The following ZBTB21 variants were observed in gnomAD, a reference collection of about 807,000 sequenced individuals.
The protein encoded by ZBTB21 is zinc finger and BTB domain-containing protein 21.
In ZBTB21, 10 loss-of-function variants were observed where a neutral mutation model predicts 39.8. That is an observed-to-expected ratio of 0.25 (90% CI 0.16 to 0.43). The LOEUF is 0.43. Among genes scored for constraint, ZBTB21 ranks in the 20% least tolerant of loss-of-function variants. The pLI is 1.00. For missense variants in ZBTB21, 1,221 were observed against 1,296.3 expected, an observed-to-expected ratio of 0.94 and a Z score of 0.89; for synonymous variants, 551 against 498.8, an observed-to-expected ratio of 1.10 and a Z score of -1.40.
At position 41,987,256 on chromosome 21, in the gene ZBTB21, G is replaced by A. The variant is rs2146260594; in HGVS notation, c.*3639C>T. The A allele has an allele frequency of 6.6e-6, 1 of 152,148 alleles. No individual in the cohort carries two copies. Among genetic ancestry groups the A allele is most frequent in the East Asian group, 1.9e-4 (1 of 5,186 alleles). The allele number at this position is 152,148 out of a possible 1,614,324, so 9.4% of individuals were successfully genotyped here. On this transcript the variant is annotated 3_prime_UTR_variant, in exon 3 of 3. Transcript: ENST00000310826. ...GTTCCCAAAAGACTGTCTCTAAAAG[G>A]AATTTTTAAAAACACCTGACATTGT...
rs2065946230 is a variant in ZBTB21, at chr21:42,010,277, C to T, written c.-104G>A. On this transcript the variant is annotated 5_prime_UTR_variant, in exon 1 of 3. Transcript: ENST00000310826. ...CGGTCTTCAGTCTCGAGGCAGACGC[C>T]GGGCCCCTTTCCGCTCACACTCGGC... 3 of 398,486 alleles carry T rather than the reference C, an allele frequency of 7.5e-6. No individual in the cohort carries two copies. The highest frequency in any genetic ancestry group is 6.3e-4 in the Middle Eastern group (1 of 1,586). The allele number at this position is 398,486 out of a possible 1,614,324, so 24.7% of individuals were successfully genotyped here.
At chr21:42,000,534 T>C (rs1364696129) in intron 2 of ZBTB21, among the ~76,000 whole-genome samples, 2 of 152,182 alleles carry the variant, frequency 1.3e-5, no homozygotes, top group Non-Finnish European at 2.9e-5. Context: ...GTTTTCTACA[T>C]CCCTGGACCT....
Position 41,992,449 on chromosome 21 carries a change from T to C in ZBTB21, c.1647A>G (p.Lys549=). 1.2e-6 allele frequency: 2 copies of C among 1,613,994 alleles called. No homozygotes were observed. The highest frequency in any genetic ancestry group is 1.7e-6 in the Non-Finnish European group (2 of 1,180,002). Residue 549 remains lysine, a synonymous_variant, in exon 3 of 3, where the codon AAA becomes AAG. Transcript: ENST00000310826. The surrounding 1 kb of genome is among the most constrained non-coding windows in gnomAD (Gnocchi z 4.1). ...GTRPNKKFKC[K]HCLKIFRSTA... is the part of the protein sequence containing the mutation. Reference sequence around the variant, plus strand: ...TTGATCTAAAGATCTTAAGGCAATGTTTGCATTTAAATTTTTTGTTTGGTC... The same window carrying C: ...TTGATCTAAAGATCTTAAGGCAATGCTTGCATTTAAATTTTTTGTTTGGTC...
chr21:41,994,162 GCTC>G, intron 2 of ZBTB21, 54 bp from the exon 3 acceptor site: 3 of 1,470,922 alleles, frequency 2.0e-6, no homozygotes, highest in Non-Finnish European at 2.7e-6. Context: ...AGTTCCCCTG[GCTC>G]CTCAAGAGCA....
intron 2 of ZBTB21, among the ~76,000 whole-genome samples, chr21:41,996,892 C>T (rs1263794832): frequency 6.6e-6 from 1 of 152,096 alleles, no homozygotes; most frequent in Non-Finnish European, 1.5e-5. Flanking sequence ...CGAGGAGTTC[C>T]CCTGCACAAG....
In ZBTB21 at chr21:41,993,083, C is replaced by G. The variant is rs1353082651; in HGVS notation, c.1013G>C (p.Ser338Thr). The G allele has an allele frequency of 6.2e-7, 1 of 1,614,208 alleles. No homozygotes were observed. The highest frequency in any genetic ancestry group is 8.5e-7 in the Non-Finnish European group (1 of 1,180,046). ...SIDRSGPLVKSLLRRSLSMDS... is the reference protein window; with the variant it reads ...SIDRSGPLVKTLLRRSLSMDS... ...CATCGACAATGACCGTCTGAGGAGACTCTTAACAAGTGGGCCACTCCTGTC... is the reference window on the plus strand; with the variant it reads ...CATCGACAATGACCGTCTGAGGAGAGTCTTAACAAGTGGGCCACTCCTGTC... The change falls in exon 3 of 3, where the codon AGT becomes ACT. Residue 338 changes from serine (S) to threonine (T), a missense_variant. By Grantham distance (58) the Ser-to-Thr change is moderately conservative. This residue lies in a region of ZBTB21 where 500 missense variants were observed against 465.6 expected (regional missense o/e 1.07). Coordinates refer to ENST00000310826, the MANE Select transcript of ZBTB21 (RefSeq NM_001098402.2).
At chr21:41,997,348 G>A (rs2065760310) in intron 2 of ZBTB21, among the ~76,000 whole-genome samples, 1 of 152,150 alleles carries the variant, frequency 6.6e-6, no homozygotes, top group African/African-American at 2.4e-5. Flanking sequence ...GGCCAAAGCG[G>A]GCAGGTCACT....
chr21:42,001,153 C>T (rs2065812813), intron 2 of ZBTB21, among the ~76,000 whole-genome samples: 1 of 151,398 alleles, frequency 6.6e-6, no homozygotes, highest in Non-Finnish European at 1.5e-5. Context: ...AGATAAGTAG[C>T]AGAGCAGGAT....
Position 42,010,353 on chromosome 21 carries a change from T to G in ZBTB21, c.-180A>C, listed in dbSNP as rs2065947457. 1 of 395,460 alleles carries G rather than the reference T, an allele frequency of 2.5e-6. No homozygotes were observed. The highest frequency in any genetic ancestry group is 4.5e-6 in the Non-Finnish European group (1 of 224,140). 24.5% of individuals were successfully genotyped at this position (395,460 alleles called of 1,614,324 possible). ...CGCTGTGATTCCATCCATCTTGAAT[T>G]TGACGTCATCCCACACCAGGGATGA... On this transcript the variant is annotated 5_prime_UTR_variant, in exon 1 of 3. Transcript: ENST00000310826.
At chr21:41,996,608 T>C (rs755836887) in intron 2 of ZBTB21, among the ~76,000 whole-genome samples, 3 of 152,204 alleles carry the variant, frequency 2.0e-5, no homozygotes, top group Non-Finnish European at 2.9e-5. Context: ...CTGTGGACTT[T>C]TGAGTTAATG....
chr21:41,995,699 T>G (rs773840939), intron 2 of ZBTB21, among the ~76,000 whole-genome samples: 1 of 152,160 alleles, frequency 6.6e-6, no homozygotes, highest in Non-Finnish European at 1.5e-5. Context: ...GGGGAAAATG[T>G]CTCCAGGACA....
chr21:41,992,023 C>G lies in ZBTB21; in HGVS notation c.2073G>C (p.Met691Ile). 1 of 1,614,206 alleles carries G rather than the reference C, an allele frequency of 6.2e-7. No homozygotes were observed. Among genetic ancestry groups the G allele is most frequent in the Non-Finnish European group, 8.5e-7 (1 of 1,180,040 alleles). ...FLSQFKQHIK[M>I]HPGEKPLGVN... ...CTCCAAGGGGTTTTTCTCCTGGATGCATTTTTATATGCTGCTTAAATTGAG... is the reference window on the plus strand; with the variant it reads ...CTCCAAGGGGTTTTTCTCCTGGATGGATTTTTATATGCTGCTTAAATTGAG... The change falls in exon 3 of 3, where the codon ATG becomes ATC. Residue 691 changes from methionine (M) to isoleucine (I), a missense_variant. Physicochemically the swap from Met to Ile is conservative, Grantham distance 10. This residue lies in a region of ZBTB21 where 523 missense variants were observed against 542.5 expected (regional missense o/e 0.96). Transcript: ENST00000310826. The surrounding 1 kb of genome is among the most constrained non-coding windows in gnomAD (Gnocchi z 4.1).
chr21:41,995,916 G>A (rs754400148), intron 2 of ZBTB21, among the ~76,000 whole-genome samples: 4 of 152,226 alleles, frequency 2.6e-5, no homozygotes, highest in Admixed American at 6.5e-5. Flanking sequence ...AAGCCTTGGC[G>A]GCTTCCATGT....
rs1307257523 is a variant in ZBTB21 at position 41,993,093 on chromosome 21, G to C, written c.1003C>G (p.Leu335Val). The change falls in exon 3 of 3, where the codon CTT (leucine) becomes GTT (valine). Residue 335 changes from leucine to valine, a missense_variant. Leu to Val is a conservative substitution (Grantham distance 32). Coordinates refer to ENST00000310826, the MANE Select transcript of ZBTB21 (RefSeq NM_001098402.2). The part of the protein sequence containing the change: ...GNQSIDRSGP[L>V]VKSLLRRSLS... ...GACCGTCTGAGGAGACTCTTAACAA[G>C]TGGGCCACTCCTGTCAATGCTTTGG... 10 of 1,614,140 alleles carry C rather than the reference G, an allele frequency of 6.2e-6. No individual in the cohort carries two copies. The highest frequency in any genetic ancestry group is 7.6e-6 in the Non-Finnish European group (9 of 1,180,062).
At chr21:42,005,819 AC>A (rs1200951419) in intron 1 of ZBTB21, among the ~76,000 whole-genome samples, 1 of 152,154 alleles carries the variant, frequency 6.6e-6, no homozygotes, top group Admixed American at 6.5e-5. Flanking sequence ...AACAGACAAG[AC>A]CCCCACTTTC....
rs148545576 is a variant in ZBTB21 at position 41,993,470 on chromosome 21, G to C, written c.626C>G (p.Pro209Arg). 2 of 1,614,100 alleles carry C rather than the reference G, an allele frequency of 1.2e-6. No individual in the cohort carries two copies. Among genetic ancestry groups the C allele is most frequent in the Non-Finnish European group, 1.7e-6 (2 of 1,180,012 alleles). The change falls in exon 3 of 3, where the codon CCG becomes CGG. Residue 209 changes from proline (P) to arginine (R), a missense_variant. Coordinates refer to ENST00000310826, the MANE Select transcript of ZBTB21 (RefSeq NM_001098402.2). The part of the protein sequence containing the change: ...HNLSLTEKSW[P>R]KDSSVVYAKS... Reference sequence around the variant, plus strand: ...TGCATATACCACAGAACTATCTTTCGGCCAACTCTTTTCAGTTAATGACAA... The same window carrying C: ...TGCATATACCACAGAACTATCTTTCCGCCAACTCTTTTCAGTTAATGACAA...
chr21:41,992,647 T>C lies in ZBTB21; in HGVS notation c.1449A>G (p.Lys483=). 6.2e-7 allele frequency: 1 copy of C among 1,614,102 alleles called. No homozygotes were observed. Among genetic ancestry groups the C allele is most frequent in the East Asian group, 2.2e-5 (1 of 44,872 alleles). The stretch of plus-strand genomic sequence containing the variant: ...ATCTTCGGTCCGCTTGGAACCTCCT[T>C]TTTGCTGGGAGTCTGCTCATGTCTT... ...DQKDMSRLPA[K]RRFQADRRLP... is the part of the protein sequence containing the mutation. Residue 483 remains lysine, a synonymous_variant, in exon 3 of 3, where the codon AAA becomes AAG. Transcript: ENST00000310826. This position sits in a 1 kb window ranked among gnomAD's most constrained non-coding sequence, Gnocchi z 4.1.
rs1431953041 is a variant in ZBTB21, at chr21:41,993,163, T to G, written c.933A>C (p.Ser311=). 2 of 1,614,054 alleles carry G rather than the reference T, an allele frequency of 1.2e-6. No homozygotes were observed. Among genetic ancestry groups the G allele is most frequent in the East Asian group, 2.2e-5 (1 of 44,894 alleles). Residue 311 remains serine (S), a synonymous_variant, in exon 3 of 3, where the codon TCA becomes TCC. Transcript: ENST00000310826. ...QGEDRNLLYY[S]KLGLVIPSSG... ...TGGATGGGATCACTAAGCCTAACTT[T>G]GAATAGTACAACAAGTTTCTATCTT...
intron 2 of ZBTB21, among the ~76,000 whole-genome samples, chr21:41,995,402 C>T (rs1006505144): frequency 1.3e-5 from 2 of 152,228 alleles, no homozygotes; most frequent in African/African-American, 2.4e-5. Flanking sequence ...AGCAAAGAGA[C>T]TGGTGGCATG....
Sources: gnomAD v4.1 joint callset for allele counts (sites outside exome capture counted in the v4.1 genomes callset) on GRCh38, gnomAD v4.1.1 for gene constraint, gnomAD v4.1.1 regional missense constraint, Gnocchi (gnomAD v3.1) non-coding constraint, MANE v1.5 for transcripts, NCBI Gene and HGNC (gene_info 2026-07-23, HGNC 2026-07-21) for gene names.